ECHDC1: variants seen among roughly 807,000 people sequenced by gnomAD.
The protein encoded by ECHDC1 is ethylmalonyl-CoA decarboxylase 1.
ECHDC1 carries 29 observed loss-of-function variants against 29.7 expected under a neutral mutation model. The observed-to-expected ratio is 0.98, with a 90% confidence interval of 0.73 to 1.33. The LOEUF is 1.33. Ranked by LOEUF, ECHDC1 falls within the 40% of genes most tolerant of loss-of-function variation. ECHDC1 has a pLI of 0.00. For missense variants in ECHDC1, 328 were observed against 350.0 expected, an observed-to-expected ratio of 0.94 and a Z score of 0.50; for synonymous variants, 126 against 123.1, an observed-to-expected ratio of 1.02 and a Z score of -0.15.
chr6:127,327,144 C>T lies in ECHDC1; in HGVS notation c.221G>A (p.Gly74Asp). The T allele has an allele frequency of 6.2e-7, 1 of 1,611,214 alleles. No homozygotes were observed. The highest frequency in any genetic ancestry group is 2.2e-5 in the East Asian group (1 of 44,826). Residue 74 changes from glycine (G) to aspartate (D), a missense_variant and splice_region_variant, in exon 3 of 6, where the codon GGT becomes GAT. Physicochemically the swap from Gly to Asp is moderately conservative, Grantham distance 94 (BLOSUM62 -1). Transcript: ENST00000454859. ...TTCCAGAAGTTGTAGCATCATAACA[C>T]CTGCCAGAGATGGAAGTGGGAAATC... ...NNPSRMNAFSGVMMLQLLEKV... is the reference protein window; with the variant it reads ...NNPSRMNAFSDVMMLQLLEKV...
At chr6:127,318,181 CCACA>C (rs1016502115) in intron 3 of ECHDC1, among the ~76,000 whole-genome samples, 5 of 152,124 alleles carry the variant, frequency 3.3e-5, no homozygotes, top group Non-Finnish European at 5.9e-5. Flanking sequence ...CCTAATTTCA[CCACA>C]CAAACTATTT....
At chr6:127,311,761 A>G (rs1781955885) in intron 5 of ECHDC1, among the ~76,000 whole-genome samples, 1 of 148,238 alleles carries the variant, frequency 6.7e-6, no homozygotes, top group African/African-American at 2.5e-5. Flanking sequence ...ATCAGAAAAA[A>G]AACAGATCTT....
Position 127,289,953 on chromosome 6 carries a change from C to G in ECHDC1, c.822G>C (p.Gln274His), listed in dbSNP as rs201632238. The G allele has an allele frequency of 2.5e-6, 4 of 1,613,530 alleles. No individual in the cohort carries two copies. The African/African-American group carries it at 5.3e-5, about 22-fold the overall frequency. The change falls in exon 6 of 6, where the codon CAG (glutamine) becomes CAC (histidine). Residue 274 changes from glutamine to histidine, a missense_variant. Transcript: ENST00000454859. ...CTGTTCCTAAAAGATCTCTTTCGTT[C>G]TGTAATGCTTCCTCCAAATATAGCT... is the stretch of plus-strand genomic sequence containing the variant. ...GRELYLEEAL[Q>H]NERDLLGTVW...
At chr6:127,335,067 C>T (rs1482462260) in intron 1 of ECHDC1, among the ~76,000 whole-genome samples, 1 of 152,020 alleles carries the variant, frequency 6.6e-6, no homozygotes, top group Non-Finnish European at 1.5e-5. Context: ...ATGCCACAAA[C>T]TTGTTTTATA....
intron 1 of ECHDC1, 186 bp downstream of exon 1, chr6:127,343,150 C>T (rs1204139219): frequency 2.0e-5 from 3 of 152,160 alleles, no homozygotes; most frequent in Non-Finnish European, 2.9e-5. Context: ...CACCGCGTCT[C>T]CACGTCCAGC....
At chr6:127,340,510 T>G (rs1226585026) in intron 1 of ECHDC1, among the ~76,000 whole-genome samples, 1 of 152,224 alleles carries the variant, frequency 6.6e-6, no homozygotes, top group African/African-American at 2.4e-5. Flanking sequence ...GAAAATAAGC[T>G]GTCAAGGTCA....
intron 1 of ECHDC1, among the ~76,000 whole-genome samples, chr6:127,335,182 T>C (rs536296513): frequency 6.6e-6 from 1 of 152,120 alleles, no homozygotes; most frequent in African/African-American, 2.4e-5. Flanking sequence ...TTAAGTCACA[T>C]GGCCTTCAAG....
chr6:127,315,163 T>C (rs1782262264), intron 4 of ECHDC1: 1 of 589,850 alleles, frequency 1.7e-6, no homozygotes, highest in Admixed American at 2.1e-5. Flanking sequence ...ATTTTTAAGC[T>C]ATAGCCATAT....
intron 5 of ECHDC1, among the ~76,000 whole-genome samples, chr6:127,303,872 A>G (rs1417746875): frequency 6.6e-6 from 1 of 152,234 alleles, no homozygotes; most frequent in Non-Finnish European, 1.5e-5. Context: ...GTTACAGCTC[A>G]GACAAGTCAG....
intron 1 of ECHDC1, chr6:127,342,337 T>G (rs1250723810): frequency 6.5e-7 from 1 of 1,543,942 alleles, no homozygotes; most frequent in African/African-American, 1.4e-5. Context: ...CTACCCTGTT[T>G]ATAATCCTCA....
At chr6:127,302,238 T>C (rs1434680304) in intron 5 of ECHDC1, among the ~76,000 whole-genome samples, 2 of 152,144 alleles carry the variant, frequency 1.3e-5, no homozygotes, top group Non-Finnish European at 2.9e-5. Context: ...GAGAAATCAA[T>C]ATGAAGAATA....
chr6:127,315,761 T>C (rs1445226828), intron 4 of ECHDC1: 2 of 362,786 alleles, frequency 5.5e-6, no homozygotes, highest in East Asian at 1.5e-4. Flanking sequence ...ATTCTATTAC[T>C]CTCTCTAGAC....
intron 2 of ECHDC1, chr6:127,329,867 G>A (rs374653419): frequency 2.2e-6 from 1 of 455,412 alleles, no homozygotes; most frequent in Non-Finnish European, 4.4e-6. Context: ...CTGGTATAGA[G>A]AAATCTCTCT....
intron 5 of ECHDC1, among the ~76,000 whole-genome samples, chr6:127,313,925 C>A (rs913297867): frequency 2.0e-5 from 3 of 152,134 alleles, no homozygotes; most frequent in African/African-American, 7.2e-5. Context: ...AAGGGAGATA[C>A]TTCCATTTTA....
intron 2 of ECHDC1, chr6:127,329,855 C>A (rs1396818681): frequency 6.6e-6 from 3 of 455,162 alleles, no homozygotes; most frequent in Non-Finnish European, 1.3e-5. Flanking sequence ...CATTGGTCAG[C>A]ACTGGTATAG....
chr6:127,333,653 ACTCT>A (rs1017806079), intron 1 of ECHDC1, among the ~76,000 whole-genome samples: 4 of 139,994 alleles, frequency 2.9e-5, no homozygotes, highest in Non-Finnish European at 6.3e-5. Flanking sequence ...TATCAATCAT[ACTCT>A]CTTTCTCTTA....
At chr6:127,333,341 G>T (rs1427722815) in intron 1 of ECHDC1, among the ~76,000 whole-genome samples, 2 of 151,982 alleles carry the variant, frequency 1.3e-5, no homozygotes, top group Admixed American at 6.6e-5. Context: ...AGTGATTTTG[G>T]GGTCCTGAGA....
At chr6:127,328,819 G>C (rs577096106) in intron 2 of ECHDC1, among the ~76,000 whole-genome samples, 9 of 152,278 alleles carry the variant, frequency 5.9e-5, no homozygotes, top group African/African-American at 2.2e-4. Flanking sequence ...GAGGTCAGGA[G>C]ATCGAGACCA....
chr6:127,318,388 T>G (rs1423901064), intron 3 of ECHDC1, among the ~76,000 whole-genome samples: 1 of 152,236 alleles, frequency 6.6e-6, no homozygotes, highest in Non-Finnish European at 1.5e-5. Flanking sequence ...TATTTTTATT[T>G]TTATGCCTTA....
Sources: allele counts gnomAD v4.1 joint callset (sites outside exome capture counted in the v4.1 genomes callset), GRCh38; gene constraint gnomAD v4.1.1; transcripts MANE v1.5; gene names NCBI Gene and HGNC (gene_info 2026-07-23, HGNC 2026-07-21).